The following DCDC2C variants were observed in gnomAD, a reference collection of about 807,000 sequenced individuals.
The protein encoded by DCDC2C is doublecortin domain-containing protein 2C.
A neutral mutation model predicts 45.0 loss-of-function variants in DCDC2C; 44 were observed. The observed-to-expected ratio is 0.98, with a 90% CI of 0.77 to 1.26. The LOEUF is 1.26. Ranked by LOEUF, DCDC2C falls within the 50% of genes most tolerant of loss-of-function variation. The probability of loss-of-function intolerance (pLI) is 0.00; values close to 1 mark genes in which losing one functional copy is unlikely to be tolerated. For missense variants in DCDC2C, 447 were observed against 468.9 expected, an observed-to-expected ratio of 0.95 and a Z score of 0.43; for synonymous variants, 187 against 178.8, an observed-to-expected ratio of 1.05 and a Z score of -0.37.
chr2:3,709,907 CTACAG>C (rs1668161878), intron 2 of DCDC2C, among the ~76,000 whole-genome samples: 1 of 152,218 alleles, frequency 6.6e-6, no homozygotes, highest in Non-Finnish European at 1.5e-5. Flanking sequence ...AAGCCTTGGT[CTACAG>C]ACGTGAAACA....
At chr2:3,726,573 C>T (rs1329114396) in intron 2 of DCDC2C, among the ~76,000 whole-genome samples, 1 of 152,154 alleles carries the variant, frequency 6.6e-6, no homozygotes, top group Non-Finnish European at 1.5e-5. Context: ...TGGTTGGAGT[C>T]TTGTAATGAA....
rs755489203 is a variant in DCDC2C at position 3,843,318 on chromosome 2, G to A, written c.1066-3836G>A. On this transcript the variant is annotated intron_variant, in intron 10 of 10. Coordinates refer to ENST00000399143, the MANE Select transcript of DCDC2C (RefSeq NM_001287444.2). The stretch of plus-strand genomic sequence containing the variant: ...AATGAAATTGGAGTTGAGGTTTCTG[G>A]TTTGGGTCTACGCGTTACTTCTGAA... Among the ~76,000 whole-genome samples, 9 of 152,218 alleles carry A rather than the reference G, an allele frequency of 5.9e-5. No homozygotes were observed. In the East Asian group the frequency reaches 7.7e-4, roughly 13 times the overall value.
chr2:3,810,426 T>C (rs1447135444), intron 10 of DCDC2C, among the ~76,000 whole-genome samples: 1 of 152,362 alleles, frequency 6.6e-6, no homozygotes, highest in Admixed American at 6.5e-5. Context: ...TACCACTTTT[T>C]GATGGGGTTG....
intron 6 of DCDC2C, among the ~76,000 whole-genome samples, chr2:3,763,657 A>G (rs1669946053): frequency 6.6e-6 from 1 of 152,030 alleles, no homozygotes; most frequent in Admixed American, 6.5e-5. Flanking sequence ...GACTGTTCCC[A>G]TTGTCTGACT....
intron 6 of DCDC2C, among the ~76,000 whole-genome samples, chr2:3,766,011 T>G (rs933145024): frequency 6.6e-6 from 1 of 152,154 alleles, no homozygotes; most frequent in African/African-American, 2.4e-5. Context: ...TAAATTGGTG[T>G]AATGACATGG....
At chr2:3,724,477 C>G (rs972696347) in intron 2 of DCDC2C, among the ~76,000 whole-genome samples, 2 of 151,728 alleles carry the variant, frequency 1.3e-5, no homozygotes, top group Non-Finnish European at 3.0e-5. Flanking sequence ...CCTGTCCCCT[C>G]TCCTCTTTTA....
chr2:3,836,851 G>A (rs1454493786), intron 10 of DCDC2C, among the ~76,000 whole-genome samples: 1 of 114,320 alleles, frequency 8.7e-6, no homozygotes. Context: ...GACAGAGCGA[G>A]ACTCCGTCTC....
At chr2:3,715,628 T>A (rs1019352312) in intron 2 of DCDC2C, among the ~76,000 whole-genome samples, 1 of 146,116 alleles carries the variant, frequency 6.8e-6, no homozygotes, top group African/African-American at 2.6e-5. Flanking sequence ...ATCTGAATGC[T>A]TGTGTATTTG....
intron 10 of DCDC2C, among the ~76,000 whole-genome samples, chr2:3,813,060 TATA>T (rs1558238714): frequency 5.2e-5 from 4 of 76,384 alleles, no homozygotes; most frequent in African/African-American, 3.0e-4. Flanking sequence ...TATATATATA[TATA>T]TATATTTTTT....
chr2:3,715,458 C>T (rs778339802), intron 2 of DCDC2C, among the ~76,000 whole-genome samples: 4 of 152,130 alleles, frequency 2.6e-5, no homozygotes, highest in Non-Finnish European at 5.9e-5. Flanking sequence ...ATATCATGGG[C>T]TCTGTAATTC....
At chr2:3,745,512 A>C (rs1669334993) in intron 4 of DCDC2C, among the ~76,000 whole-genome samples, 1 of 152,228 alleles carries the variant, frequency 6.6e-6, no homozygotes, top group Non-Finnish European at 1.5e-5. Flanking sequence ...AAGTACAAAT[A>C]CTGAGCTTGA....
chr2:3,813,059 A>T (rs1190756355), intron 10 of DCDC2C, among the ~76,000 whole-genome samples: 4 of 47,810 alleles, frequency 8.4e-5, no homozygotes, highest in African/African-American at 2.7e-4. Flanking sequence ...ATATATATAT[A>T]TATATATATT....
At chr2:3,755,495 G>A (rs1474825263) in intron 6 of DCDC2C, among the ~76,000 whole-genome samples, 1 of 151,960 alleles carries the variant, frequency 6.6e-6, no homozygotes, top group Non-Finnish European at 1.5e-5. Context: ...GTACACAGGA[G>A]TACACGTGTG....
chr2:3,798,832 T>C (rs1671032251), intron 10 of DCDC2C, among the ~76,000 whole-genome samples: 1 of 152,204 alleles, frequency 6.6e-6, no homozygotes, highest in African/African-American at 2.4e-5. Flanking sequence ...CTTTGGTGAA[T>C]CTGACAATTA....
intron 3 of DCDC2C, among the ~76,000 whole-genome samples, chr2:3,727,565 G>A (rs1668729909): frequency 6.6e-6 from 1 of 152,228 alleles, no homozygotes; most frequent in Non-Finnish European, 1.5e-5. Context: ...GTTGCTACAG[G>A]AACGGAGTGC....
intron 2 of DCDC2C, among the ~76,000 whole-genome samples, chr2:3,723,369 G>A (rs1369565154): frequency 1.3e-5 from 2 of 152,224 alleles, no homozygotes; most frequent in Non-Finnish European, 2.9e-5. Context: ...TCTGTGAGGA[G>A]CTGACGTCGA....
chr2:3,833,264 A>G (rs2148236971), intron 10 of DCDC2C, among the ~76,000 whole-genome samples: 1 of 152,196 alleles, frequency 6.6e-6, no homozygotes, highest in African/African-American at 2.4e-5. Flanking sequence ...CCTTAATTTC[A>G]CTGCAACCTG....
intron 6 of DCDC2C, among the ~76,000 whole-genome samples, chr2:3,755,778 G>A (rs982472632): frequency 6.6e-5 from 10 of 152,010 alleles, no homozygotes; most frequent in Non-Finnish European, 8.8e-5. Context: ...AAATACATAT[G>A]TATGTTTGGA....
At chr2:3,837,092 G>A (rs1390446485) in intron 10 of DCDC2C, among the ~76,000 whole-genome samples, 2 of 152,094 alleles carry the variant, frequency 1.3e-5, no homozygotes, top group Non-Finnish European at 2.9e-5. Context: ...TCTCTTTGGG[G>A]CCCTCCTGCT....
Sources: gnomAD v4.1 joint callset for allele counts (sites outside exome capture counted in the v4.1 genomes callset) on GRCh38, gnomAD v4.1.1 for gene constraint, MANE v1.5 for transcripts, NCBI Gene and HGNC (gene_info 2026-07-23, HGNC 2026-07-21) for gene names.